Variants in FBLN5 observed in about 807,000 individuals in gnomAD.
FBLN5 encodes the protein fibulin-5.
FBLN5 carries 24 observed loss-of-function variants against 61.6 expected under a neutral mutation model. The ratio of observed to expected loss-of-function variants is 0.39; its 90% CI spans 0.28 to 0.55. The LOEUF (loss-of-function observed/expected upper bound fraction) is 0.55, where lower values mean the gene tolerates loss of function less well. Among genes scored for constraint, FBLN5 ranks in the 20% least tolerant of loss-of-function variants. The pLI is 0.65. For synonymous variants in FBLN5, 213 were observed against 219.8 expected, an observed-to-expected ratio of 0.97 and a Z score of 0.27; for missense variants, 470 against 594.1, an observed-to-expected ratio of 0.79 and a Z score of 2.17.
intron 4 of FBLN5, among the ~76,000 whole-genome samples, chr14:91,900,056 C>G (rs930330158): frequency 2.6e-5 from 4 of 152,214 alleles, no homozygotes; most frequent in Non-Finnish European, 5.9e-5. Context: ...TGGCACTCCT[C>G]TCCTTCACTG....
chr14:91,882,299 G>T lies in FBLN5; in HGVS notation c.862+655C>A, dbSNP rs1889515315. Among the ~76,000 whole-genome samples, 1 of 152,104 alleles carries T rather than the reference G, an allele frequency of 6.6e-6. No homozygotes were observed. The highest frequency in any genetic ancestry group is 1.9e-4 in the East Asian group (1 of 5,190). On this transcript the variant is annotated intron_variant, in intron 8 of 10. Coordinates refer to ENST00000342058, the MANE Select transcript of FBLN5 (RefSeq NM_006329.4). This position sits in a 1 kb window ranked among gnomAD's most constrained non-coding sequence, Gnocchi z 4.9. ...CTGTAGCTCACATGATATTTCTATTGCCTGGCACTACTACGGAGAATTCTT... is the reference window on the plus strand; with the variant it reads ...CTGTAGCTCACATGATATTTCTATTTCCTGGCACTACTACGGAGAATTCTT...
chr14:91,895,797 CAAAAA>C (rs60216411), intron 4 of FBLN5, among the ~76,000 whole-genome samples: 1 of 63,498 alleles, frequency 1.6e-5, no homozygotes, highest in African/African-American at 7.0e-5. Context: ...GACCCTGTCT[CAAAAA>C]AAAAAAAAAA....
chr14:91,910,840 G>A (rs1890890436), intron 4 of FBLN5, among the ~76,000 whole-genome samples: 1 of 152,138 alleles, frequency 6.6e-6, no homozygotes, highest in African/African-American at 2.4e-5. Flanking sequence ...GGGAAGGAAA[G>A]AAGCAGGAAC....
At chr14:91,894,776 A>G (rs182347618) in intron 5 of FBLN5, among the ~76,000 whole-genome samples, 174 bp downstream of exon 5, 3 of 152,302 alleles carry the variant, frequency 2.0e-5, no homozygotes, top group Admixed American at 1.3e-4. Flanking sequence ...GATGATGGCA[A>G]TTGATTTTCA....
intron 4 of FBLN5, among the ~76,000 whole-genome samples, chr14:91,923,645 T>C (rs899755391): frequency 1.3e-5 from 2 of 152,184 alleles, no homozygotes; most frequent in Non-Finnish European, 2.9e-5. Flanking sequence ...GGCACTCCCA[T>C]AGCACCTGGG....
intron 4 of FBLN5, among the ~76,000 whole-genome samples, chr14:91,923,435 A>T (rs1197096453): frequency 6.6e-6 from 1 of 152,196 alleles, no homozygotes; most frequent in Non-Finnish European, 1.5e-5. Context: ...TGCTGCAGCC[A>T]CACTGGGTGT....
chr14:91,942,095 A>C (rs1029547320), intron 2 of FBLN5: 2 of 455,640 alleles, frequency 4.4e-6, no homozygotes, highest in Non-Finnish European at 8.8e-6. Flanking sequence ...TTCCTGAGCC[A>C]GAGACACAGA....
At chr14:91,904,565 TAAACACGAGGCTTTTATTTCTC>T (rs1890596936) in intron 4 of FBLN5, among the ~76,000 whole-genome samples, 1 of 152,214 alleles carries the variant, frequency 6.6e-6, no homozygotes. Flanking sequence ...CTATGTGGCT[TAAACACGAGGCTTTTATTTCTC>T]CCAGTTCTCG....
intron 4 of FBLN5, among the ~76,000 whole-genome samples, chr14:91,924,965 T>C (rs2055803537): frequency 1.3e-5 from 2 of 152,304 alleles, no homozygotes; most frequent in African/African-American, 2.4e-5. Flanking sequence ...TTTTGTGTCT[T>C]TGCATTGTTT....
intron 2 of FBLN5, 33 bp from the exon 3 acceptor site, chr14:91,940,649 G>GTCA: frequency 6.3e-7 from 1 of 1,597,428 alleles, no homozygotes; most frequent in African/African-American, 1.3e-5. Context: ...AACAGGCAAG[G>GTCA]TCATTTCACA....
intron 4 of FBLN5, among the ~76,000 whole-genome samples, chr14:91,916,745 C>A (rs2498824): frequency 0.19 from 28,439 of 152,032 alleles, 2,965 homozygotes; most frequent in Admixed American, 0.31. Flanking sequence ...ACTGTGGGCT[C>A]AGAACAAACT....
chr14:91,939,985 ACGCTTGACT>A (rs1221662651), intron 3 of FBLN5: 1 of 453,864 alleles, frequency 2.2e-6, no homozygotes, highest in Non-Finnish European at 4.4e-6. Flanking sequence ...AAAGTGAGAA[ACGCTTGACT>A]CGCTGTGTTG....
chr14:91,882,844 C>T lies in FBLN5; in HGVS notation c.862+110G>A. ...CACCCACTCACACCCCCACCCCTGC[C>T]ACCTTCCCAAAGCTGCACATGATTC... On this transcript the variant is annotated intron_variant, in intron 8 of 10. Coordinates refer to ENST00000342058, the MANE Select transcript of FBLN5 (RefSeq NM_006329.4). The surrounding 1 kb of genome is among the most constrained non-coding windows in gnomAD (Gnocchi z 4.9). The T allele has an allele frequency of 7.6e-7, 1 of 1,320,576 alleles. No individual in the cohort carries two copies. Among genetic ancestry groups the T allele is most frequent in the Non-Finnish European group, 1.1e-6 (1 of 940,850 alleles). The allele number at this position is 1,320,576 out of a possible 1,614,324, so 81.8% of individuals were successfully genotyped here. A position where few individuals can be genotyped will look rare whatever the true frequency, so the allele number is the denominator to read the frequency against.
chr14:91,891,396 T>C (rs1889990238), intron 5 of FBLN5, 59 bp from the exon 6 acceptor site: 1 of 1,049,232 alleles, frequency 9.5e-7, no homozygotes, highest in Non-Finnish European at 1.5e-6. Context: ...ATGCCCCCAC[T>C]AGCATGGCAT....
At chr14:91,904,170 T>C (rs1301107225) in intron 4 of FBLN5, among the ~76,000 whole-genome samples, 1 of 152,164 alleles carries the variant, frequency 6.6e-6, no homozygotes, top group African/African-American at 2.4e-5. Context: ...TTCACAATCA[T>C]AGCTTAAGCA....
chr14:91,883,767 C>T (rs1450890653), intron 7 of FBLN5, among the ~76,000 whole-genome samples: 1 of 151,872 alleles, frequency 6.6e-6, no homozygotes, highest in Non-Finnish European at 1.5e-5. Context: ...CTTTGTGGCT[C>T]GCCTACCTCG....
At chr14:91,935,246 C>A (rs960009269) in intron 4 of FBLN5, among the ~76,000 whole-genome samples, 1 of 152,202 alleles carries the variant, frequency 6.6e-6, no homozygotes, top group Non-Finnish European at 1.5e-5. Flanking sequence ...GGCACTGGGA[C>A]CCTGGAAAGA....
chr14:91,898,618 C>T (rs1248447564), intron 4 of FBLN5, among the ~76,000 whole-genome samples: 3 of 151,992 alleles, frequency 2.0e-5, no homozygotes, highest in South Asian at 4.2e-4. Context: ...CCTCCCTTTC[C>T]GCATCAGTGG....
chr14:91,909,569 A>G (rs1241956121), intron 4 of FBLN5, among the ~76,000 whole-genome samples: 1 of 152,194 alleles, frequency 6.6e-6, no homozygotes, highest in African/African-American at 2.4e-5. Context: ...AGATAAAGTC[A>G]TCAGGATGGG....
Sources: allele counts gnomAD v4.1 joint callset (sites outside exome capture counted in the v4.1 genomes callset), GRCh38; gene constraint gnomAD v4.1.1; non-coding constraint Gnocchi (gnomAD v3.1); transcripts MANE v1.5; gene names NCBI Gene and HGNC (gene_info 2026-07-23, HGNC 2026-07-21).